Variants in EBF1 observed in about 807,000 individuals in gnomAD.
The protein encoded by EBF1 is EBF transcription factor 1.
Under a neutral mutation model 68.4 loss-of-function variants are expected in EBF1, and 10 were observed. That is an observed-to-expected ratio of 0.15 (90% confidence interval 0.09 to 0.25). The LOEUF (loss-of-function observed/expected upper bound fraction) is 0.25. Ranked by LOEUF, EBF1 falls within the 10% of genes least tolerant of loss-of-function variation. EBF1 has a pLI of 1.00. For missense variants in EBF1, 509 were observed against 794.4 expected, an observed-to-expected ratio of 0.64 and a Z score of 4.32; for synonymous variants, 298 against 299.8, an observed-to-expected ratio of 0.99 and a Z score of 0.06.
intron 6 of EBF1, among the ~76,000 whole-genome samples, chr5:158,925,443 C>T (rs376947299): frequency 2.6e-4 from 40 of 152,194 alleles, no homozygotes; most frequent in Admixed American, 2.5e-3. Flanking sequence ...CCTGGCCTCC[C>T]TTGTGGCCAT....
At chr5:159,073,712 A>T (rs1007543409) in intron 5 of EBF1, 2 of 508,114 alleles carry the variant, frequency 3.9e-6, no homozygotes, top group Non-Finnish European at 7.1e-6. Context: ...AAGACTCAGA[A>T]CCCCAAGATG....
chr5:158,818,679 G>A (rs1485237218), intron 8 of EBF1, among the ~76,000 whole-genome samples: 2 of 152,108 alleles, frequency 1.3e-5, no homozygotes, highest in Non-Finnish European at 2.9e-5. Flanking sequence ...TTATGTTGCA[G>A]TCTTTATTAT....
intron 5 of EBF1, among the ~76,000 whole-genome samples, chr5:159,083,530 G>GA (rs939564466): frequency 3.3e-5 from 5 of 152,234 alleles, no homozygotes; most frequent in Non-Finnish European, 5.9e-5. Context: ...TTTTAAAAGG[G>GA]AAAAAATGAA....
intron 4 of EBF1, among the ~76,000 whole-genome samples, chr5:159,094,724 T>C (rs1782279539): frequency 6.6e-6 from 1 of 152,214 alleles, no homozygotes; most frequent in Non-Finnish European, 1.5e-5. Context: ...ATAACTTTTT[T>C]CTTTGTTCTA....
chr5:158,853,028 A>G (rs1305921247), intron 6 of EBF1, among the ~76,000 whole-genome samples: 1 of 152,238 alleles, frequency 6.6e-6, no homozygotes, highest in African/African-American at 2.4e-5. Context: ...TGGGTGGTCT[A>G]CATGGCATCC....
At chr5:158,837,175 G>A (rs1479754827) in intron 7 of EBF1, among the ~76,000 whole-genome samples, 1 of 152,184 alleles carries the variant, frequency 6.6e-6, no homozygotes, top group Non-Finnish European at 1.5e-5. Context: ...ACATTTTTGG[G>A]TGTCATGATT....
At chr5:158,858,995 G>A (rs1323963272) in intron 6 of EBF1, among the ~76,000 whole-genome samples, 7 of 152,122 alleles carry the variant, frequency 4.6e-5, no homozygotes, top group Non-Finnish European at 7.4e-5. Context: ...GCTTCTGCCC[G>A]ACATCCATGG....
At chr5:159,011,922 G>T (rs1214998448) in intron 6 of EBF1, among the ~76,000 whole-genome samples, 1 of 152,164 alleles carries the variant, frequency 6.6e-6, no homozygotes, top group South Asian at 2.1e-4. Flanking sequence ...TGTGTCATTC[G>T]GAAGCCACTT....
chr5:158,834,606 T>C (rs990669190), intron 7 of EBF1, among the ~76,000 whole-genome samples: 2 of 152,180 alleles, frequency 1.3e-5, no homozygotes, highest in African/African-American at 4.8e-5. Flanking sequence ...GATTAATTTC[T>C]TGAAAACACT....
intron 6 of EBF1, among the ~76,000 whole-genome samples, chr5:158,922,450 G>A (rs1279613635): frequency 1.3e-5 from 2 of 152,216 alleles, no homozygotes; most frequent in African/African-American, 4.8e-5. Context: ...TTTGCTGGAA[G>A]ACAGAGTCAG....
chr5:158,710,063 T>G (rs1331510007), intron 14 of EBF1, among the ~76,000 whole-genome samples: 1 of 152,224 alleles, frequency 6.6e-6, no homozygotes, highest in African/African-American at 2.4e-5. Flanking sequence ...TGTCTTATTT[T>G]TTTATTCCAT....
At chr5:158,938,407 C>G (rs151039454) in intron 6 of EBF1, among the ~76,000 whole-genome samples, 32 of 152,356 alleles carry the variant, frequency 2.1e-4, no homozygotes, top group Middle Eastern at 3.4e-3. Flanking sequence ...ATGTTCCCTT[C>G]TCCTCCGGGA....
chr5:159,088,373 C>T (rs904918442), intron 4 of EBF1, among the ~76,000 whole-genome samples: 8 of 152,128 alleles, frequency 5.3e-5, no homozygotes, highest in African/African-American at 1.9e-4. Flanking sequence ...ATCAATTTTA[C>T]CATCTACATT....
intron 6 of EBF1, among the ~76,000 whole-genome samples, chr5:158,982,695 A>T (rs1464688976): frequency 2.6e-5 from 4 of 151,964 alleles, no homozygotes; most frequent in Admixed American, 2.6e-4. Context: ...TTTTTTGGAA[A>T]ACTCCCTAGC....
At chr5:158,899,685 A>G (rs550878908) in intron 6 of EBF1, among the ~76,000 whole-genome samples, 10 of 152,082 alleles carry the variant, frequency 6.6e-5, no homozygotes, top group African/African-American at 2.4e-4. Context: ...TTGACAGAAG[A>G]TGGCAGCTCC....
At chr5:158,982,875 A>G (rs1488178868) in intron 6 of EBF1, 1 of 152,158 alleles carries the variant, frequency 6.6e-6, no homozygotes, top group Non-Finnish European at 1.5e-5. Context: ...TCTTGGGAGG[A>G]AATCCAAAAT....
intron 6 of EBF1, among the ~76,000 whole-genome samples, chr5:159,068,889 T>A (rs982679816): frequency 1.3e-5 from 2 of 152,136 alleles, no homozygotes; most frequent in Non-Finnish European, 2.9e-5. Context: ...GACTAGGTTT[T>A]TCATTTTACA....
At chr5:158,907,955 T>C (rs945508097) in intron 6 of EBF1, among the ~76,000 whole-genome samples, 1 of 152,050 alleles carries the variant, frequency 6.6e-6, no homozygotes, top group Admixed American at 6.6e-5. Flanking sequence ...TGTTGACTTT[T>C]CAGAAGTGTA....
chr5:158,934,252 C>T (rs182044448), intron 6 of EBF1, among the ~76,000 whole-genome samples: 1 of 151,936 alleles, frequency 6.6e-6, no homozygotes, highest in Non-Finnish European at 1.5e-5. Context: ...TAGTTCCTTC[C>T]TTCATTCATT....
Sources: gnomAD v4.1 joint callset for allele counts (sites outside exome capture counted in the v4.1 genomes callset) on GRCh38, gnomAD v4.1.1 for gene constraint, MANE v1.5 for transcripts, NCBI Gene and HGNC (gene_info 2026-07-23, HGNC 2026-07-21) for gene names.